The following FRMD5 variants were observed in gnomAD, a reference collection of about 807,000 sequenced individuals.
The protein encoded by FRMD5 is FERM domain-containing protein 5.
Under a neutral mutation model 69.0 loss-of-function variants are expected in FRMD5, and 20 were observed. The ratio of observed to expected loss-of-function variants is 0.29; its 90% CI spans 0.20 to 0.42. The LOEUF (loss-of-function observed/expected upper bound fraction) is 0.42. Ranked by LOEUF, FRMD5 falls within the 10% of genes least tolerant of loss-of-function variation. The probability of loss-of-function intolerance (pLI) is 1.00; values close to 1 mark genes in which losing one functional copy is unlikely to be tolerated. For missense variants in FRMD5, 595 were observed against 708.6 expected (o/e 0.84, Z 1.82); for synonymous variants, 271 against 260.1 (o/e 1.04, Z -0.40).
chr15:44,072,363 C>A (rs190093559), intron 1 of FRMD5, among the ~76,000 whole-genome samples: 1 of 152,050 alleles, frequency 6.6e-6, no homozygotes, highest in Non-Finnish European at 1.5e-5. Context: ...AGAAAAGAAC[C>A]CACTCCACAC....
chr15:44,050,829 T>C (rs577357913), intron 1 of FRMD5, among the ~76,000 whole-genome samples: 11 of 151,950 alleles, frequency 7.2e-5, no homozygotes, highest in African/African-American at 2.7e-4. Context: ...AGCTAATTTT[T>C]GTATTTTTAG....
At chr15:44,044,679 C>T (rs1175130719) in intron 1 of FRMD5, among the ~76,000 whole-genome samples, 5 of 151,828 alleles carry the variant, frequency 3.3e-5, no homozygotes, top group Admixed American at 6.6e-5. Context: ...AATCAAACAC[C>T]GCATGTTCTC....
At chr15:44,045,510 G>C (rs1027038347) in intron 1 of FRMD5, among the ~76,000 whole-genome samples, 3 of 151,976 alleles carry the variant, frequency 2.0e-5, no homozygotes, top group African/African-American at 7.3e-5. Context: ...GCAAAAACAG[G>C]GGAAAGTGGA....
chr15:44,043,592 A>G (rs1165584140), intron 1 of FRMD5, among the ~76,000 whole-genome samples: 2 of 152,186 alleles, frequency 1.3e-5, no homozygotes, highest in Admixed American at 1.3e-4. Context: ...GACCAATGGA[A>G]CAGAACAGAG....
In FRMD5 at chr15:44,076,592, G is replaced by A. The variant is rs553180023; in HGVS notation, c.102+118361C>T. ...GAACTATGAGATCACATGGACACAG[G>A]AAGGGGAACATCACACTCTGGGGAC... On this transcript the variant is annotated intron_variant, in intron 1 of 13. Transcript: ENST00000417257. Among the ~76,000 whole-genome samples the A allele has an allele frequency of 3.3e-3, 460 of 141,316 alleles. 2 individuals carry two copies. The highest frequency in any genetic ancestry group is 5.3e-3 in the Non-Finnish European group (352 of 65,956). The allele number at this position is 141,316 out of a possible 152,430, so 92.7% of individuals were successfully genotyped here.
intron 1 of FRMD5, among the ~76,000 whole-genome samples, chr15:44,057,895 G>A (rs1892936283): frequency 6.6e-6 from 1 of 152,140 alleles, no homozygotes. Flanking sequence ...AAACCTCAAA[G>A]CCTCAAATAA....
At chr15:44,057,475 C>T (rs1192706882) in intron 1 of FRMD5, among the ~76,000 whole-genome samples, 1 of 152,230 alleles carries the variant, frequency 6.6e-6, no homozygotes, top group Admixed American at 6.5e-5. Flanking sequence ...GAATAACCAG[C>T]TGTGTCTCTT....
intron 1 of FRMD5, among the ~76,000 whole-genome samples, chr15:43,969,404 T>C (rs2140570073): frequency 6.6e-6 from 1 of 152,272 alleles, no homozygotes; most frequent in South Asian, 2.1e-4. Context: ...TCTTCAATCA[T>C]TGAGAATTTT....
chr15:44,069,965 TATA>T (rs1893467823), intron 1 of FRMD5, among the ~76,000 whole-genome samples: 5 of 152,260 alleles, frequency 3.3e-5, no homozygotes, highest in Admixed American at 3.3e-4. Context: ...ATAAGAGGAT[TATA>T]ATAACTACTA....
intron 1 of FRMD5, among the ~76,000 whole-genome samples, chr15:44,167,587 A>T (rs2077731235): frequency 1.3e-5 from 2 of 149,960 alleles, no homozygotes; most frequent in South Asian, 4.2e-4. Context: ...GCATTTCATT[A>T]TCACAATTTT....
chr15:44,065,193 G>C (rs1433591754), intron 1 of FRMD5, among the ~76,000 whole-genome samples: 1 of 152,198 alleles, frequency 6.6e-6, no homozygotes, highest in African/African-American at 2.4e-5. Flanking sequence ...ACAGTACTTA[G>C]TATAGTGTCT....
At chr15:44,136,157 G>C (rs1481751648) in intron 1 of FRMD5, among the ~76,000 whole-genome samples, 1 of 151,874 alleles carries the variant, frequency 6.6e-6, no homozygotes, top group East Asian at 1.9e-4. Flanking sequence ...GGACTACAGA[G>C]GTGAGCCACT....
intron 7 of FRMD5, among the ~76,000 whole-genome samples, chr15:43,894,103 G>T (rs2088858953): frequency 1.3e-5 from 2 of 152,208 alleles, no homozygotes; most frequent in African/African-American, 4.8e-5. Flanking sequence ...TTTTCCTCCT[G>T]CTTATAATCA....
At chr15:44,017,091 C>T (rs1027710850) in intron 1 of FRMD5, among the ~76,000 whole-genome samples, 2 of 151,996 alleles carry the variant, frequency 1.3e-5, no homozygotes, top group African/African-American at 2.4e-5. Context: ...GTAATCCTAG[C>T]ACTTTGGGAG....
intron 1 of FRMD5, among the ~76,000 whole-genome samples, chr15:44,099,352 A>ATGC (rs2076603381): frequency 6.6e-6 from 1 of 152,160 alleles, no homozygotes; most frequent in African/African-American, 2.4e-5. Context: ...CTCCCAGGTA[A>ATGC]TGCTGCTGCT....
chr15:44,025,805 T>A (rs1268380513), intron 1 of FRMD5, among the ~76,000 whole-genome samples: 2 of 152,198 alleles, frequency 1.3e-5, no homozygotes, highest in Non-Finnish European at 2.9e-5. Flanking sequence ...CCAGGCTTGG[T>A]GGCTGCTCAC....
intron 7 of FRMD5, 156 bp downstream of exon 7, chr15:43,902,019 A>G: frequency 1.5e-6 from 1 of 657,904 alleles, no homozygotes; most frequent in Non-Finnish European, 2.7e-6. Flanking sequence ...TGTGATCCAG[A>G]GGAGTTTTCA....
At chr15:43,883,923 T>C in intron 12 of FRMD5, 114 bp from the exon 13 acceptor site, 1 of 755,814 alleles carries the variant, frequency 1.3e-6, no homozygotes, top group Middle Eastern at 2.3e-4. Context: ...TCTTGGTCTC[T>C]CTCTTTTTTA....
intron 1 of FRMD5, among the ~76,000 whole-genome samples, chr15:43,985,761 T>A (rs1176707915): frequency 6.6e-6 from 1 of 152,162 alleles, no homozygotes; most frequent in Admixed American, 6.5e-5. Context: ...GGCAAATCAG[T>A]ATTTCAAACA....
Sources: gnomAD v4.1 joint callset for allele counts (sites outside exome capture counted in the v4.1 genomes callset) on GRCh38, gnomAD v4.1.1 for gene constraint, MANE v1.5 for transcripts, NCBI Gene and HGNC (gene_info 2026-07-23, HGNC 2026-07-21) for gene names.